The following PLS3 variants were observed in gnomAD, a reference collection of about 807,000 sequenced individuals.
PLS3 encodes plastin 3, also known as plastin-3.
In PLS3, 11 loss-of-function variants were observed where a neutral mutation model predicts 46.5. The observed-to-expected ratio is 0.24, with a 90% CI of 0.15 to 0.39. PLS3 has a LOEUF of 0.39. PLS3 is among the 10% of genes least tolerant of loss of function. The pLI, the probability that PLS3 is intolerant of heterozygous loss-of-function variation, is 1.00. For missense variants in PLS3, 308 were observed against 461.8 expected (o/e 0.67, Z 3.05); for synonymous variants, 167 against 162.2 (o/e 1.03, Z -0.22).
At chrX:115,627,769 G>T (rs782241984) in intron 3 of PLS3, among the ~76,000 whole-genome samples, 1 of 111,659 alleles carries the variant, frequency 9.0e-6, no homozygotes, top group Non-Finnish European at 1.9e-5. Flanking sequence ...GACACACACA[G>T]ACATTTATTC....
chrX:115,609,190 C>T (rs1556635772), intron 1 of PLS3, among the ~76,000 whole-genome samples: 1 of 110,772 alleles, frequency 9.0e-6, no homozygotes, highest in East Asian at 2.8e-4. Context: ...TTTTCTTTGT[C>T]CAAAATTATT....
At chrX:115,596,296 T>C (rs1354465262) in intron 1 of PLS3, among the ~76,000 whole-genome samples, 1 of 111,758 alleles carries the variant, frequency 8.9e-6, no homozygotes, top group Non-Finnish European at 1.9e-5. Context: ...GATGTATAGG[T>C]CTGCGCACTT....
chrX:115,630,335 A>C (rs969854207), intron 5 of PLS3, among the ~76,000 whole-genome samples: 1 of 111,182 alleles, frequency 9.0e-6, no homozygotes, highest in Non-Finnish European at 1.9e-5. Context: ...TTTCTAAAAA[A>C]TGCTTTTGTC....
At chrX:115,587,022 G>A (rs782064133) in intron 1 of PLS3, among the ~76,000 whole-genome samples, 7 of 112,321 alleles carry the variant, frequency 6.2e-5, no homozygotes, top group Non-Finnish European at 1.3e-4. Context: ...TTCAAAAAGT[G>A]TGGCACATGG....
intron 1 of PLS3, among the ~76,000 whole-genome samples, chrX:115,583,605 G>A (rs944941577): frequency 2.7e-5 from 3 of 112,474 alleles, no homozygotes; most frequent in Non-Finnish European, 5.6e-5. Flanking sequence ...GCAACATCTG[G>A]TAGCAAGTAG....
intron 1 of PLS3, among the ~76,000 whole-genome samples, chrX:115,583,447 T>C (rs1010230648): frequency 7.1e-5 from 8 of 112,864 alleles, no homozygotes; most frequent in African/African-American, 2.6e-4. Context: ...AAGTGAATAA[T>C]GGAATCTTAA....
chrX:115,645,038 A>C lies in PLS3; in HGVS notation c.1201A>C (p.Arg401=), dbSNP rs1556641491. 1 of 1,194,256 alleles carries C rather than the reference A, an allele frequency of 8.4e-7. No individual in the cohort carries two copies. The change falls in exon 11 of 16, where the codon AGA becomes CGA. Residue 401 remains arginine, a synonymous_variant. Transcript: ENST00000355899. The stretch of plus-strand genomic sequence containing the variant: ...CTTAACAGGAGAAACTCGTGAAGAA[A>C]GAACCTTCCGTAACTGGATGAACTC... ...TLLEGETREE[R]TFRNWMNSLG...
intron 8 of PLS3, among the ~76,000 whole-genome samples, chrX:115,638,943 T>C (rs1026423167): frequency 1.8e-5 from 2 of 109,981 alleles, no homozygotes; most frequent in Non-Finnish European, 3.8e-5. Context: ...CTCGATCTCC[T>C]GACCTCGTGA....
At position 115,648,699 on chromosome X, in the gene PLS3, C is replaced by T. The variant is rs912090866; in HGVS notation, c.1760+682C>T. On this transcript the variant is annotated intron_variant, in intron 15 of 15. Transcript: ENST00000355899. Reference sequence around the variant, plus strand: ...TCCTGCAAAACTTTGGAGTTAGGCACATTATTTCTTTTTTCCTTGAAAAAT... The same window carrying T: ...TCCTGCAAAACTTTGGAGTTAGGCATATTATTTCTTTTTTCCTTGAAAAAT... Among the ~76,000 whole-genome samples the T allele has an allele frequency of 4.5e-5, 5 of 111,771 alleles. No individual in the cohort carries two copies. In the Admixed American group the frequency reaches 4.8e-4, roughly 11 times the overall value.
intron 1 of PLS3, among the ~76,000 whole-genome samples, chrX:115,596,566 G>A (rs1412885815): frequency 8.9e-6 from 1 of 112,027 alleles, no homozygotes; most frequent in African/African-American, 3.2e-5. Context: ...GCTGGGCACA[G>A]TGGCTCATGC....
intron 9 of PLS3, among the ~76,000 whole-genome samples, chrX:115,641,225 C>CTTTTTTTTTT (rs35431475): frequency 1.2e-5 from 1 of 82,418 alleles, no homozygotes; most frequent in Non-Finnish European, 2.3e-5. Flanking sequence ...TCTTCTCTTT[C>CTTTTTTTTTT]TTTTTTTTTT....
intron 13 of PLS3, among the ~76,000 whole-genome samples, chrX:115,647,265 CT>C (rs1886583596): frequency 9.6e-6 from 1 of 104,504 alleles, no homozygotes; most frequent in Admixed American, 1.0e-4. Context: ...AACCCTGTCC[CT>C]ACTAAAAATA....
chrX:115,568,186 T>C (rs1313771712), intron 1 of PLS3, among the ~76,000 whole-genome samples: 1 of 111,501 alleles, frequency 9.0e-6, no homozygotes, highest in Non-Finnish European at 1.9e-5. Flanking sequence ...GTGCAAAGAG[T>C]TTGCTCAGAG....
chrX:115,569,458 A>G (rs1556630461), intron 1 of PLS3, among the ~76,000 whole-genome samples: 1 of 111,617 alleles, frequency 9.0e-6, no homozygotes, highest in African/African-American at 3.3e-5. Context: ...AAGTACTTTG[A>G]TATCACTCAA....
intron 6 of PLS3, 64 bp from the exon 7 acceptor site, chrX:115,634,817 A>T (rs1484405159): frequency 2.1e-5 from 21 of 999,912 alleles, no homozygotes; most frequent in Non-Finnish European, 2.9e-5. Context: ...CAGTGAAGGG[A>T]GAAAGTAGAC....
chrX:115,593,515 C>T (rs12847396), intron 1 of PLS3: 13,172 of 110,641 alleles, frequency 0.12, 746 homozygotes, highest in Non-Finnish European at 0.17. Flanking sequence ...GTGACTTGCT[C>T]TCTAAAGTTG....
chrX:115,642,500 CCT>C (rs1301809952), intron 9 of PLS3, among the ~76,000 whole-genome samples: 1 of 111,295 alleles, frequency 9.0e-6, no homozygotes, highest in Non-Finnish European at 1.9e-5. Flanking sequence ...AGCACAACTT[CCT>C]CTCTCTCTAG....
At chrX:115,627,896 A>G (rs1556638683) in intron 3 of PLS3, among the ~76,000 whole-genome samples, 1 of 112,478 alleles carries the variant, frequency 8.9e-6, no homozygotes, top group Non-Finnish European at 1.9e-5. Context: ...CTCAAACAAA[A>G]TTTTATTTGT....
intron 1 of PLS3, among the ~76,000 whole-genome samples, chrX:115,588,245 T>C (rs1556632681): frequency 8.9e-6 from 1 of 112,341 alleles, no homozygotes; most frequent in African/African-American, 3.2e-5. Context: ...TGGTGTAGTA[T>C]TGAAGAATAT....
Sources: gnomAD v4.1 joint callset for allele counts (sites outside exome capture counted in the v4.1 genomes callset) on GRCh38, gnomAD v4.1.1 for gene constraint, MANE v1.5 for transcripts, NCBI Gene and HGNC (gene_info 2026-07-23, HGNC 2026-07-21) for gene names.